Variants in PLEKHM2 observed in about 807,000 individuals in gnomAD.
The protein encoded by PLEKHM2 is pleckstrin homology domain-containing family M member 2.
A neutral mutation model predicts 116.3 loss-of-function variants in PLEKHM2; 77 were observed. The observed-to-expected ratio is 0.66, with a 90% CI of 0.55 to 0.80. The LOEUF is 0.80. Ranked by LOEUF, PLEKHM2 falls within the 30% of genes least tolerant of loss-of-function variation. PLEKHM2 has a pLI of 0.00. For synonymous variants in PLEKHM2, 562 were observed against 571.0 expected (o/e 0.98, Z 0.22); for missense variants, 1,183 against 1,354.9 (o/e 0.87, Z 1.99).
intron 14 of PLEKHM2, among the ~76,000 whole-genome samples, chr1:15,730,199 G>A (rs931214362): frequency 2.0e-5 from 3 of 152,228 alleles, no homozygotes; most frequent in Admixed American, 6.5e-5. Context: ...CCAGCACTTT[G>A]GGAGGCCAAG....
rs559606427 is a variant in PLEKHM2 at position 15,690,577 on chromosome 1, G to A, written c.60+5959G>A. 8.5e-4 allele frequency among the ~76,000 whole-genome samples: 129 copies of A among 152,310 alleles called. 1 individual carries two copies. The highest frequency in any genetic ancestry group is 3.0e-3 in the African/African-American group (126 of 41,574). ...AGCCCACAGGCAGTAGTTCGCATACGACGCATGTGTTCATATGAAAAAGTC... is the reference window on the plus strand; with the variant it reads ...AGCCCACAGGCAGTAGTTCGCATACAACGCATGTGTTCATATGAAAAAGTC... On this transcript the variant is annotated intron_variant, in intron 1 of 19. Transcript: ENST00000375799.
intron 1 of PLEKHM2, among the ~76,000 whole-genome samples, chr1:15,714,733 T>C (rs1432493821): frequency 6.6e-6 from 1 of 152,238 alleles, no homozygotes; most frequent in Non-Finnish European, 1.5e-5. Flanking sequence ...CACTTGAGAA[T>C]ACGTTTGTCC....
At chr1:15,707,284 T>A in intron 1 of PLEKHM2, among the ~76,000 whole-genome samples, 1 of 136,678 alleles carries the variant, frequency 7.3e-6, no homozygotes, top group African/African-American at 3.0e-5. Context: ...AAAAAAAAAA[T>A]TAGCCAGGTG....
chr1:15,718,958 T>C (rs192425594), intron 5 of PLEKHM2, among the ~76,000 whole-genome samples: 98 of 152,270 alleles, frequency 6.4e-4, no homozygotes, highest in African/African-American at 2.3e-3. Flanking sequence ...CAAGGCAGTT[T>C]CAGCCTGGTG....
intron 7 of PLEKHM2, among the ~76,000 whole-genome samples, chr1:15,724,939 C>T (rs1031851515): frequency 1.8e-4 from 27 of 152,074 alleles, no homozygotes; most frequent in Non-Finnish European, 2.5e-4. Context: ...ACCTAAGAGG[C>T]GTGCAGCCTG....
rs535235357 is a variant in PLEKHM2 at position 15,729,505 on chromosome 1, G to A, written c.2076-292G>A. 2.0e-5 allele frequency among the ~76,000 whole-genome samples: 3 copies of A among 152,302 alleles called. No homozygotes were observed. The highest frequency in any genetic ancestry group is 4.8e-5 in the African/African-American group (2 of 41,558). ...GCCCTTGAACGCCTGCATCCTTGTC[G>A]TGGCTCAAGGTCCCACCCGTTGACG... On this transcript the variant is annotated intron_variant, in intron 13 of 19. Coordinates refer to ENST00000375799, the MANE Select transcript of PLEKHM2 (RefSeq NM_015164.4). The surrounding 1 kb of genome is among the most constrained non-coding windows in gnomAD (Gnocchi z 4.7).
At chr1:15,705,640 T>TGCG (rs1015396310) in intron 1 of PLEKHM2, among the ~76,000 whole-genome samples, 2 of 152,194 alleles carry the variant, frequency 1.3e-5, no homozygotes, top group Admixed American at 1.3e-4. Flanking sequence ...GCTAAATCTC[T>TGCG]GCGGCTCTGC....
chr1:15,681,521 TC>T, upstream of PLEKHM2: 1 of 467,028 alleles, frequency 2.1e-6, no homozygotes, highest in Non-Finnish European at 4.3e-6. Context: ...AACGCAGTGC[TC>T]AGCAGAAGAT....
At chr1:15,702,342 G>C (rs1641131907) in intron 1 of PLEKHM2, among the ~76,000 whole-genome samples, 1 of 152,172 alleles carries the variant, frequency 6.6e-6, no homozygotes, top group Non-Finnish European at 1.5e-5. Flanking sequence ...TTTAGCTGTG[G>C]CCATCGTGGA....
At chr1:15,707,613 G>A (rs1295477117) in intron 1 of PLEKHM2, among the ~76,000 whole-genome samples, 1 of 152,202 alleles carries the variant, frequency 6.6e-6, no homozygotes, top group African/African-American at 2.4e-5. Context: ...GAACAGAAAG[G>A]AAACACTCAG....
At chr1:15,706,407 T>TGTTTG in intron 1 of PLEKHM2, among the ~76,000 whole-genome samples, 1 of 149,412 alleles carries the variant, frequency 6.7e-6, no homozygotes, top group African/African-American at 2.5e-5. Context: ...TTTGTTTGTT[T>TGTTTG]TTATTATTAT....
At chr1:15,730,475 C>G (rs1429631886) in intron 14 of PLEKHM2, 57 bp from the exon 15 acceptor site, 2 of 1,382,616 alleles carry the variant, frequency 1.4e-6, no homozygotes, top group Non-Finnish European at 1.9e-6. Flanking sequence ...CCGGGCTCAG[C>G]CACCTGCCTG....
intron 1 of PLEKHM2, among the ~76,000 whole-genome samples, chr1:15,694,448 C>T (rs1319300206): frequency 3.3e-5 from 5 of 152,054 alleles, no homozygotes; most frequent in African/African-American, 1.2e-4. Context: ...AACTCTGGGC[C>T]CCGAGCTCTC....
In PLEKHM2 at chr1:15,719,791, C is replaced by G. The variant is rs962150252; in HGVS notation, c.523C>G (p.Leu175Val). The G allele has an allele frequency of 1.2e-6, 2 of 1,613,830 alleles. No homozygotes were observed. The highest frequency in any genetic ancestry group is 8.5e-7 in the Non-Finnish European group (1 of 1,179,810). The change falls in exon 6 of 20, where the codon CTG becomes GTG. Residue 175 changes from leucine (L) to valine (V), a missense_variant. By Grantham distance (32) the Leu-to-Val change is conservative. Transcript: ENST00000375799. The surrounding 1 kb of genome is among the most constrained non-coding windows in gnomAD (Gnocchi z 4.1). ...YMPDYYKPQY[L>V]LDFEDRLPSS... Reference sequence around the variant, plus strand: ...GCCCGACTACTACAAACCTCAGTACCTGCTGGACTTTGAAGACCGCCTTCC... The same window carrying G: ...GCCCGACTACTACAAACCTCAGTACGTGCTGGACTTTGAAGACCGCCTTCC...
intron 1 of PLEKHM2, among the ~76,000 whole-genome samples, chr1:15,700,236 T>C (rs1174981875): frequency 6.6e-6 from 1 of 152,164 alleles, no homozygotes; most frequent in East Asian, 1.9e-4. Flanking sequence ...TGTTTTGTTT[T>C]GTTTTTTTAA....
Position 15,731,267 on chromosome 1 carries a change from C to T in PLEKHM2, c.2465+10C>T, listed in dbSNP as rs764605451. 3.8e-6 allele frequency: 6 copies of T among 1,570,316 alleles called. No homozygotes were observed. Among genetic ancestry groups the T allele is most frequent in the Non-Finnish European group, 4.3e-6 (5 of 1,155,660 alleles). ...TCTCGGTGAACATGGGGTAAGTGTC[C>T]CGGGAGAAGCGGGTGTATCCTGGGG... On this transcript the variant is annotated intron_variant, in intron 16 of 19. Transcript: ENST00000375799.
In PLEKHM2 at chr1:15,719,793, G is replaced by T; in HGVS notation, c.525G>T (p.Leu175=). 1.9e-6 allele frequency: 3 copies of T among 1,613,786 alleles called. No homozygotes were observed. The highest frequency in any genetic ancestry group is 2.5e-6 in the Non-Finnish European group (3 of 1,179,796). The change falls in exon 6 of 20, where the codon CTG becomes CTT. Residue 175 remains leucine, a synonymous_variant. Transcript: ENST00000375799. This position sits in a 1 kb window ranked among gnomAD's most constrained non-coding sequence, Gnocchi z 4.1. ...CCGACTACTACAAACCTCAGTACCT[G>T]CTGGACTTTGAAGACCGCCTTCCCA... ...YMPDYYKPQY[L]LDFEDRLPSS... is the part of the protein sequence containing the mutation.
chr1:15,727,231 G>A lies in PLEKHM2; in HGVS notation c.1159G>A (p.Glu387Lys), dbSNP rs376491799. The A allele has an allele frequency of 6.9e-6, 11 of 1,602,818 alleles. No homozygotes were observed. Among genetic ancestry groups the A allele is most frequent in the East Asian group, 4.5e-5 (2 of 44,414 alleles). The change falls in exon 9 of 20, where the codon GAG becomes AAG. Residue 387 changes from glutamate (E) to lysine (K), a missense_variant. By Grantham distance (56) the Glu-to-Lys change is moderately conservative. Transcript: ENST00000375799. The surrounding 1 kb of genome is among the most constrained non-coding windows in gnomAD (Gnocchi z 7.5). ...GCCGAGCAGCACCACGGAGAGCAGCGAGCGCTCCGAGCCGGGCCTGCTGAT... is the reference window on the plus strand; with the variant it reads ...GCCGAGCAGCACCACGGAGAGCAGCAAGCGCTCCGAGCCGGGCCTGCTGAT... ...EGPSSTTESS[E>K]RSEPGLLIPE...
chr1:15,724,987 C>CG (rs780848366), intron 7 of PLEKHM2, among the ~76,000 whole-genome samples: 6 of 152,180 alleles, frequency 3.9e-5, no homozygotes, highest in Admixed American at 2.6e-4. Flanking sequence ...ATGGAGGCCT[C>CG]GAAGTCACCA....
Sources: allele counts gnomAD v4.1 joint callset (sites outside exome capture counted in the v4.1 genomes callset), GRCh38; gene constraint gnomAD v4.1.1; non-coding constraint Gnocchi (gnomAD v3.1); transcripts MANE v1.5; gene names NCBI Gene and HGNC (gene_info 2026-07-23, HGNC 2026-07-21).